Variants in COL6A6 observed in about 807,000 individuals in gnomAD.
COL6A6 encodes collagen type VI alpha 6 chain.
A neutral mutation model predicts 208.6 loss-of-function variants in COL6A6; 183 were observed. That is an observed-to-expected ratio of 0.88 (90% CI 0.78 to 0.99). The LOEUF is 0.99. Ranked by LOEUF, COL6A6 falls within the 50% of genes least tolerant of loss-of-function variation. The probability of loss-of-function intolerance (pLI) is 0.00; values close to 1 mark genes in which losing one functional copy is unlikely to be tolerated. For missense variants in COL6A6, 2,816 were observed against 2,815.2 expected (o/e 1.00, Z -0.01); for synonymous variants, 973 against 1,011.8 (o/e 0.96, Z 0.73).
At chr3:130,526,184 G>A (rs897368655) in intron 1 of COL6A6, among the ~76,000 whole-genome samples, 2 of 152,080 alleles carry the variant, frequency 1.3e-5, no homozygotes, top group Admixed American at 6.5e-5. Context: ...ATTTTGGATG[G>A]GGTGGTCAGG....
At chr3:130,644,964 C>A in intron 31 of COL6A6, 27 bp from the exon 32 acceptor site, 5 of 1,607,408 alleles carry the variant, frequency 3.1e-6, no homozygotes, top group Non-Finnish European at 4.3e-6. Context: ...AAATAATAAT[C>A]CAATCTCCTT....
chr3:130,618,970 G>A (rs1213187720), intron 23 of COL6A6, among the ~76,000 whole-genome samples: 5 of 152,062 alleles, frequency 3.3e-5, no homozygotes, highest in Admixed American at 6.5e-5. Context: ...TTGCTTTTCA[G>A]GACAATTAGA....
chr3:130,650,372 C>T (rs1411105103), intron 33 of COL6A6, among the ~76,000 whole-genome samples: 1 of 152,178 alleles, frequency 6.6e-6, no homozygotes, highest in Non-Finnish European at 1.5e-5. Context: ...CCTGTAATCC[C>T]AGCACTTTGG....
At chr3:130,580,867 G>A (rs969462956) in intron 8 of COL6A6, among the ~76,000 whole-genome samples, 5 of 152,148 alleles carry the variant, frequency 3.3e-5, no homozygotes, top group African/African-American at 1.2e-4. Flanking sequence ...GGCAGTGTCC[G>A]TGGCTTCTGG....
intron 21 of COL6A6, among the ~76,000 whole-genome samples, chr3:130,607,527 A>T (rs4682621): frequency 0.18 from 27,742 of 152,122 alleles, 2,981 homozygotes; most frequent in Admixed American, 0.33. Flanking sequence ...TACAATGAGG[A>T]TAAATAATCC....
chr3:130,532,886 C>T (rs1185835621), intron 1 of COL6A6, among the ~76,000 whole-genome samples: 1 of 152,092 alleles, frequency 6.6e-6, no homozygotes. Flanking sequence ...GGTTAGGCAT[C>T]TCTCCTGACC....
chr3:130,569,574 C>G (rs951832364), intron 6 of COL6A6, among the ~76,000 whole-genome samples: 2 of 152,160 alleles, frequency 1.3e-5, no homozygotes, highest in Non-Finnish European at 2.9e-5. Context: ...CTGTTCAACT[C>G]CCACTGGAAG....
chr3:130,576,665 C>CAA (rs3993280), intron 8 of COL6A6, among the ~76,000 whole-genome samples: 14,443 of 150,586 alleles, frequency 0.096, 1,940 homozygotes, highest in African/African-American at 0.3. Flanking sequence ...GTCATGAATG[C>CAA]AAAAAAAAAT....
rs769398455 is a variant in COL6A6, at chr3:130,626,498, A to T, written c.4892A>T (p.Asp1631Val). ...TCTGTTTAACAGGGAGAACCTGGAG[A>T]TCTGGGAGAAAAAGGAGCTGTTGGC... ...GSQGNKGEPG[D>V]LGEKGAVGFP... is the part of the protein sequence containing the mutation. Residue 1631 changes from aspartate to valine, a missense_variant, in exon 25 of 37, where the codon GAT becomes GTT. Transcript: ENST00000358511. The T allele has an allele frequency of 7.4e-6, 12 of 1,613,150 alleles. No individual in the cohort carries two copies. The East Asian group carries it at 2.7e-4, about 36-fold the overall frequency.
chr3:130,536,410 G>A (rs1407226057), intron 1 of COL6A6, among the ~76,000 whole-genome samples: 2 of 152,134 alleles, frequency 1.3e-5, no homozygotes, highest in Non-Finnish European at 2.9e-5. Flanking sequence ...ACACATACCT[G>A]CCCTTGTGGT....
chr3:130,654,611 C>T (rs1317189465), intron 33 of COL6A6, among the ~76,000 whole-genome samples: 1 of 152,202 alleles, frequency 6.6e-6, no homozygotes, highest in Non-Finnish European at 1.5e-5. Flanking sequence ...TATCTGGAGC[C>T]CAGGTGTCCT....
In COL6A6 at chr3:130,563,267, C is replaced by A. The variant is rs778062584; in HGVS notation, c.264C>A (p.Ser88Arg). 2 of 1,614,016 alleles carry A rather than the reference C, an allele frequency of 1.2e-6. No individual in the cohort carries two copies. The highest frequency in any genetic ancestry group is 1.3e-5 in the African/African-American group (1 of 75,048). The change falls in exon 3 of 37, where the codon AGC becomes AGA. Residue 88 changes from serine to arginine, a missense_variant. Physicochemically the swap from Ser to Arg is moderately radical, Grantham distance 110 (BLOSUM62 -1). Transcript: ENST00000358511. ...EFHLSTFKGR[S>R]PMLNHLRKNF... ...ACCTGAGCACCTTCAAAGGCAGGAG[C>A]CCCATGCTGAACCACCTAAGGAAGA... is the stretch of plus-strand genomic sequence containing the variant.
chr3:130,587,269 CTTTG>C (rs1224761402), intron 11 of COL6A6, among the ~76,000 whole-genome samples: 3 of 152,116 alleles, frequency 2.0e-5, no homozygotes, highest in African/African-American at 4.8e-5. Flanking sequence ...CTTATATTCT[CTTTG>C]TTTGTTTGAG....
chr3:130,594,244 C>A, intron 17 of COL6A6, 37 bp from the exon 18 acceptor site: 1 of 1,453,280 alleles, frequency 6.9e-7, no homozygotes, highest in Non-Finnish European at 9.7e-7. Context: ...ATTAAAACTT[C>A]TTGTCTTGTT....
Position 130,582,457 on chromosome 3 carries a change from A to G in COL6A6, c.3970+389A>G, listed in dbSNP as rs114362058. Among the ~76,000 whole-genome samples, 1,452 of 152,118 alleles carry G rather than the reference A, an allele frequency of 9.5e-3. 30 individuals carry two copies. Among genetic ancestry groups the G allele is most frequent in the African/African-American group, 0.033 (1,363 of 41,520 alleles). ...GGGAATGAGAGTCAGTTTTCTTCTAACACTCTTAAAGTTCCCAGAGTTGCA... is the reference window on the plus strand; with the variant it reads ...GGGAATGAGAGTCAGTTTTCTTCTAGCACTCTTAAAGTTCCCAGAGTTGCA... On this transcript the variant is annotated intron_variant, in intron 10 of 36. Transcript: ENST00000358511.
intron 18 of COL6A6, among the ~76,000 whole-genome samples, chr3:130,596,820 T>A (rs2063864526): frequency 1.3e-5 from 2 of 152,148 alleles, no homozygotes; most frequent in South Asian, 2.1e-4. Flanking sequence ...AATGATAAAA[T>A]TTTTAAAAAA....
chr3:130,519,097 G>T (rs189561020), intron 1 of COL6A6, among the ~76,000 whole-genome samples: 2 of 152,186 alleles, frequency 1.3e-5, no homozygotes, highest in Admixed American at 1.3e-4. Flanking sequence ...CTGAATTTCA[G>T]AAAGTTTCAG....
rs188903607 is a variant in COL6A6, at chr3:130,616,447, T to G, written c.4816-5374T>G. ...CAAAAGAATACAGTCCATGGCACAA[T>G]GAAAAGGAAGAAAGAGCTTTGAAAG... is the stretch of plus-strand genomic sequence containing the variant. On this transcript the variant is annotated intron_variant, in intron 23 of 36. Coordinates refer to ENST00000358511, the MANE Select transcript of COL6A6 (RefSeq NM_001102608.3). Among the ~76,000 whole-genome samples the G allele has an allele frequency of 8.0e-5, 12 of 150,522 alleles. No individual in the cohort carries two copies. The East Asian group carries it at 2.4e-3, about 30-fold the overall frequency.
At position 130,610,703 on chromosome 3, in the gene COL6A6, G is replaced by A. The variant is rs2064330595; in HGVS notation, c.4807G>A (p.Gly1603Ser). The A allele has an allele frequency of 1.3e-6, 2 of 1,584,680 alleles. No homozygotes were observed. The highest frequency in any genetic ancestry group is 2.7e-5 in the African/African-American group (2 of 74,334). ...KGEKGGVGSK[G>S]PQGPPGPGGE... ...AGAAAAAGGAGGTGTGGGAAGTAAA[G>A]GTCCCCAGGTATGTAATGAGAAAAA... is the stretch of plus-strand genomic sequence containing the variant. Residue 1603 changes from glycine to serine, a missense_variant, in exon 23 of 37, where the codon GGT (glycine) becomes AGT (serine). By Grantham distance (56) the Gly-to-Ser change is moderately conservative. Transcript: ENST00000358511.
Sources: gnomAD v4.1 joint callset for allele counts (sites outside exome capture counted in the v4.1 genomes callset) on GRCh38, gnomAD v4.1.1 for gene constraint, MANE v1.5 for transcripts, NCBI Gene and HGNC (gene_info 2026-07-23, HGNC 2026-07-21) for gene names.